BTBD9: variants seen among roughly 807,000 people sequenced by gnomAD.
BTBD9 encodes BTB domain containing 9, also known as BTB/POZ domain-containing protein 9.
In BTBD9, 49 loss-of-function variants were observed where a neutral mutation model predicts 64.3. The ratio of observed to expected loss-of-function variants is 0.76; its 90% confidence interval spans 0.61 to 0.97. BTBD9 has a LOEUF of 0.97. Among genes scored for constraint, BTBD9 ranks in the 50% least tolerant of loss-of-function variants. BTBD9 has a pLI of 0.00. For missense variants in BTBD9, 598 were observed against 762.1 expected (o/e 0.78, Z 2.53); for synonymous variants, 260 against 274.7 (o/e 0.95, Z 0.53).
At chr6:38,365,260 C>T (rs548287901) in intron 6 of BTBD9, among the ~76,000 whole-genome samples, 1 of 152,262 alleles carries the variant, frequency 6.6e-6, no homozygotes, top group South Asian at 2.1e-4. Context: ...TAAAGTGAGG[C>T]ATAACCAGAG....
intron 7 of BTBD9, among the ~76,000 whole-genome samples, chr6:38,305,004 T>C (rs1176351178): frequency 6.6e-6 from 1 of 151,998 alleles, no homozygotes; most frequent in South Asian, 2.1e-4. Flanking sequence ...GCAGCTGTAT[T>C]CCCACCGCCA....
Position 38,192,653 on chromosome 6 carries a change from G to A in BTBD9, c.1563-56C>T, listed in dbSNP as rs1762127201. ...AGATGGTGCAGTTGACTCTCTGGTAGTGTGGCCGATGGAGTCATGTCCACT... is the reference window on the plus strand; with the variant it reads ...AGATGGTGCAGTTGACTCTCTGGTAATGTGGCCGATGGAGTCATGTCCACT... On this transcript the variant is annotated intron_variant, in intron 9 of 10. Transcript: ENST00000481247. 2.0e-6 allele frequency: 3 copies of A among 1,506,366 alleles called. No individual in the cohort carries two copies. In the African/African-American group the frequency reaches 4.1e-5, roughly 21 times the overall value. 93.3% of individuals were successfully genotyped at this position (1,506,366 alleles called of 1,614,324 possible).
chr6:38,517,136 C>T (rs549383909), intron 6 of BTBD9, among the ~76,000 whole-genome samples: 103 of 152,240 alleles, frequency 6.8e-4, no homozygotes, highest in African/African-American at 2.4e-3. Context: ...ACAAAGGAGT[C>T]AATGTTGACC....
intron 6 of BTBD9, among the ~76,000 whole-genome samples, chr6:38,474,276 C>A (rs1423751792): frequency 6.6e-6 from 1 of 152,162 alleles, no homozygotes; most frequent in Non-Finnish European, 1.5e-5. Context: ...GTAATTCCAG[C>A]ACATTGGGAG....
intron 6 of BTBD9, among the ~76,000 whole-genome samples, chr6:38,453,311 G>A (rs563796042): frequency 9.2e-5 from 14 of 152,222 alleles, no homozygotes; most frequent in African/African-American, 2.6e-4. Flanking sequence ...ATTCCAAGGC[G>A]TTATTCTTTG....
At chr6:38,521,156 G>A (rs1249160311) in intron 6 of BTBD9, among the ~76,000 whole-genome samples, 2 of 151,392 alleles carry the variant, frequency 1.3e-5, no homozygotes, top group East Asian at 1.9e-4. Context: ...GATATGACCT[G>A]TAAAGTCACA....
intron 6 of BTBD9, among the ~76,000 whole-genome samples, chr6:38,525,403 T>C (rs557723040): frequency 6.6e-6 from 1 of 152,318 alleles, no homozygotes; most frequent in East Asian, 1.9e-4. Context: ...TCAGGTAGTA[T>C]CTTTATAGCA....
chr6:38,237,898 G>T (rs1229875106), intron 9 of BTBD9, among the ~76,000 whole-genome samples: 1 of 152,076 alleles, frequency 6.6e-6, no homozygotes, highest in Non-Finnish European at 1.5e-5. Context: ...AGCACTTTGG[G>T]AGGCTGAGGC....
At chr6:38,228,246 A>T (rs1763468618) in intron 9 of BTBD9, among the ~76,000 whole-genome samples, 1 of 147,894 alleles carries the variant, frequency 6.8e-6, no homozygotes, top group Non-Finnish European at 1.5e-5. Flanking sequence ...CTATAGTCCC[A>T]GTTACTCGGG....
At chr6:38,290,430 T>C (rs1761912952) in intron 7 of BTBD9, among the ~76,000 whole-genome samples, 1 of 152,024 alleles carries the variant, frequency 6.6e-6, no homozygotes, top group Non-Finnish European at 1.5e-5. Flanking sequence ...AAGGAAGTGG[T>C]ATAAGATGTA....
At chr6:38,588,014 C>T (rs1426311736) in intron 4 of BTBD9, 8 of 738,914 alleles carry the variant, frequency 1.1e-5, no homozygotes, top group African/African-American at 8.6e-5. Context: ...GCCACAGCAA[C>T]CACCATATAC....
At chr6:38,622,340 C>T (rs1778015063) in intron 1 of BTBD9, among the ~76,000 whole-genome samples, 1 of 152,176 alleles carries the variant, frequency 6.6e-6, no homozygotes, top group South Asian at 2.1e-4. Context: ...TAGAAGCCTT[C>T]CCCTGCAAGA....
intron 6 of BTBD9, among the ~76,000 whole-genome samples, chr6:38,374,283 G>GTATATATATATACACATA (rs1554143528): frequency 1.1e-4 from 5 of 45,472 alleles, no homozygotes; most frequent in African/African-American, 8.1e-4. Context: ...AAAAAAAAAA[G>GTATATATATATACACATA]TATATATATA....
At chr6:38,552,823 C>CTT (rs1457170208) in intron 6 of BTBD9, among the ~76,000 whole-genome samples, 1 of 151,664 alleles carries the variant, frequency 6.6e-6, no homozygotes, top group African/African-American at 2.4e-5. Context: ...ATCCTGGACT[C>CTT]TGACTAATTA....
chr6:38,267,362 C>A (rs994462156), intron 8 of BTBD9, among the ~76,000 whole-genome samples: 1 of 152,232 alleles, frequency 6.6e-6, no homozygotes, highest in Non-Finnish European at 1.5e-5. Flanking sequence ...TAATCTACAG[C>A]TGAGTGTTAA....
intron 6 of BTBD9, among the ~76,000 whole-genome samples, chr6:38,391,637 T>C (rs577400024): frequency 2.6e-4 from 40 of 151,510 alleles, no homozygotes; most frequent in Middle Eastern, 6.8e-3. Flanking sequence ...GTTTTTCTTT[T>C]TTTTTTTTTT....
chr6:38,253,021 G>A (rs985012574), intron 9 of BTBD9, among the ~76,000 whole-genome samples: 2 of 152,164 alleles, frequency 1.3e-5, no homozygotes, highest in African/African-American at 4.8e-5. Flanking sequence ...GTCTGAGGCA[G>A]AAGAATCACC....
intron 6 of BTBD9, among the ~76,000 whole-genome samples, chr6:38,366,733 C>T (rs886679051): frequency 2.0e-5 from 3 of 152,124 alleles, no homozygotes; most frequent in Admixed American, 2.0e-4. Context: ...TAATGGTGAT[C>T]GATCTTATAG....
intron 1 of BTBD9, among the ~76,000 whole-genome samples, chr6:38,602,540 A>G (rs777878974): frequency 2.0e-5 from 3 of 152,112 alleles, no homozygotes; most frequent in Non-Finnish European, 4.4e-5. Context: ...ATTGTTAACC[A>G]AGGGTTAAGT....
Sources: allele counts gnomAD v4.1 joint callset (sites outside exome capture counted in the v4.1 genomes callset), GRCh38; gene constraint gnomAD v4.1.1; transcripts MANE v1.5; gene names NCBI Gene and HGNC (gene_info 2026-07-23, HGNC 2026-07-21).